Variants in EYS observed in about 807,000 individuals in gnomAD.
EYS encodes the protein EGF-like photoreceptor maintenance factor, also known as protein eyes shut homolog.
In EYS, 250 loss-of-function variants were observed where a neutral mutation model predicts 282.1. The ratio of observed to expected loss-of-function variants is 0.89; its 90% CI spans 0.80 to 0.98. The LOEUF (loss-of-function observed/expected upper bound fraction) is 0.98, where lower values mean the gene tolerates loss of function less well. EYS is among the 50% of genes least tolerant of loss of function. EYS has a pLI of 0.00. For missense variants in EYS, 4,016 were observed against 3,709.0 expected, an observed-to-expected ratio of 1.08 and a Z score of -2.15; for synonymous variants, 1,355 against 1,282.9, an observed-to-expected ratio of 1.06 and a Z score of -1.20.
chr6:64,765,349 A>G (rs1261023798), intron 22 of EYS, among the ~76,000 whole-genome samples: 4 of 152,204 alleles, frequency 2.6e-5, no homozygotes, highest in Non-Finnish European at 5.9e-5. Context: ...CATTTTGGTC[A>G]AAGCCATGCC....
intron 12 of EYS, among the ~76,000 whole-genome samples, chr6:65,080,541 T>G (rs549348146): frequency 1.4e-4 from 22 of 152,232 alleles, no homozygotes; most frequent in South Asian, 4.1e-4. Context: ...TGATATTAGA[T>G]ATCATCATTT....
chr6:65,480,541 T>C (rs2127254424), intron 5 of EYS, among the ~76,000 whole-genome samples: 1 of 152,258 alleles, frequency 6.6e-6, no homozygotes, highest in South Asian at 2.1e-4. Flanking sequence ...GAGATGAGAT[T>C]ATCTATTTTA....
rs1173159569 is a variant in EYS, at chr6:65,051,456, A to T, written c.2137+6158T>A. ...TGACAAATTAAAAATGTATATATGT[A>T]GCATTCAATGTGATGTTTTGATACA... On this transcript the variant is annotated intron_variant, in intron 13 of 42. Transcript: ENST00000503581. Among the ~76,000 whole-genome samples the T allele has an allele frequency of 2.0e-5, 3 of 151,626 alleles. No individual in the cohort carries two copies. The East Asian group carries it at 5.8e-4, about 29-fold the overall frequency.
chr6:65,106,276 A>G (rs1775033484), intron 12 of EYS, among the ~76,000 whole-genome samples: 1 of 151,950 alleles, frequency 6.6e-6, no homozygotes, highest in African/African-American at 2.4e-5. Context: ...GACACAATAC[A>G]TATATTATAA....
chr6:65,150,270 T>C (rs949970854), intron 12 of EYS, among the ~76,000 whole-genome samples: 7 of 152,076 alleles, frequency 4.6e-5, no homozygotes, highest in Non-Finnish European at 1.0e-4. Context: ...TTTCCCCTTT[T>C]TTCTTTTTCT....
chr6:64,421,860 G>GTAT (rs1554159220), intron 28 of EYS, among the ~76,000 whole-genome samples: 2 of 138,268 alleles, frequency 1.4e-5, no homozygotes, highest in Non-Finnish European at 3.1e-5. Context: ...TTGTTTGGGG[G>GTAT]GTGTGTGTGT....
At chr6:64,391,940 G>T (rs1773165711) in intron 28 of EYS, among the ~76,000 whole-genome samples, 2 of 151,782 alleles carry the variant, frequency 1.3e-5, no homozygotes, top group Non-Finnish European at 2.9e-5. Context: ...GATCTACCAA[G>T]CAAATGGAAA....
intron 12 of EYS, among the ~76,000 whole-genome samples, chr6:65,233,597 T>G (rs1766846599): frequency 6.6e-6 from 1 of 152,162 alleles, no homozygotes; most frequent in Non-Finnish European, 1.5e-5. Flanking sequence ...AATCATTATT[T>G]AGGGAGTTTA....
chr6:65,042,604 T>G (rs1326251379), intron 13 of EYS, among the ~76,000 whole-genome samples: 1 of 151,548 alleles, frequency 6.6e-6, no homozygotes, highest in African/African-American at 2.4e-5. Flanking sequence ...TGGTTCAATT[T>G]ATCACATTTG....
At chr6:64,426,642 A>G (rs762758461) in intron 28 of EYS, among the ~76,000 whole-genome samples, 7 of 152,120 alleles carry the variant, frequency 4.6e-5, no homozygotes, top group South Asian at 2.1e-4. Context: ...TGAAAATGTG[A>G]AAAAGGATGG....
intron 14 of EYS, among the ~76,000 whole-genome samples, chr6:64,969,334 CT>C (rs1321943147): frequency 2.6e-5 from 4 of 152,138 alleles, no homozygotes; most frequent in African/African-American, 9.7e-5. Context: ...CAGAGAATGT[CT>C]TTGCAAATGC....
intron 41 of EYS, among the ~76,000 whole-genome samples, chr6:63,736,565 T>C (rs1331110619): frequency 6.6e-6 from 1 of 152,220 alleles, no homozygotes. Context: ...GACTTGGCGA[T>C]GCGGGCTCTT....
intron 41 of EYS, among the ~76,000 whole-genome samples, chr6:63,737,983 G>A (rs1405266044): frequency 6.6e-6 from 1 of 152,128 alleles, no homozygotes; most frequent in Non-Finnish European, 1.5e-5. Flanking sequence ...AACACATAAA[G>A]AAATGCTCAC....
At chr6:65,481,756 G>T (rs1312015219) in intron 5 of EYS, among the ~76,000 whole-genome samples, 1 of 151,950 alleles carries the variant, frequency 6.6e-6, no homozygotes. Flanking sequence ...TTTTTTAGGA[G>T]AGATGGGATT....
At chr6:64,224,134 A>C (rs1291056826) in intron 31 of EYS, among the ~76,000 whole-genome samples, 1 of 152,076 alleles carries the variant, frequency 6.6e-6, no homozygotes, top group African/African-American at 2.4e-5. Flanking sequence ...GAAAGGACAT[A>C]AGCCTTATCC....
At chr6:63,850,226 G>A (rs1263205435) in intron 36 of EYS, among the ~76,000 whole-genome samples, 1 of 152,158 alleles carries the variant, frequency 6.6e-6, no homozygotes, top group Non-Finnish European at 1.5e-5. Flanking sequence ...GTGACAGAAA[G>A]AATGGAACCA....
intron 14 of EYS, among the ~76,000 whole-genome samples, chr6:64,991,306 T>G (rs1456493649): frequency 2.6e-5 from 4 of 151,618 alleles, no homozygotes; most frequent in African/African-American, 4.8e-5. Context: ...AAAATGGGCA[T>G]GACCAAAAAA....
chr6:65,422,501 G>T (rs978330985), intron 5 of EYS, among the ~76,000 whole-genome samples: 5 of 151,798 alleles, frequency 3.3e-5, no homozygotes, highest in Non-Finnish European at 7.4e-5. Flanking sequence ...CAATAGGAAA[G>T]AAATTTAATA....
chr6:65,296,169 ATATAT>A (rs1562078893), intron 11 of EYS, 50 bp from the exon 12 acceptor site: 1 of 1,455,034 alleles, frequency 6.9e-7, no homozygotes, highest in Non-Finnish European at 9.2e-7. Flanking sequence ...CTTTATTTTG[ATATAT>A]TTAAGTATTT....
Sources: gnomAD v4.1 joint callset for allele counts (sites outside exome capture counted in the v4.1 genomes callset) on GRCh38, gnomAD v4.1.1 for gene constraint, MANE v1.5 for transcripts, NCBI Gene and HGNC (gene_info 2026-07-23, HGNC 2026-07-21) for gene names.